The following BRI3BP variants were observed in gnomAD, a reference collection of about 807,000 sequenced individuals.
The protein encoded by BRI3BP is BRI3 binding protein.
A neutral mutation model predicts 15.8 loss-of-function variants in BRI3BP; 7 were observed. That is an observed-to-expected ratio of 0.44 (90% CI 0.25 to 0.83). The LOEUF (loss-of-function observed/expected upper bound fraction) is 0.83, where lower values mean the gene tolerates loss of function less well. BRI3BP is among the 40% of genes least tolerant of loss of function. BRI3BP has a pLI of 0.20. For synonymous variants in BRI3BP, 192 were observed against 163.5 expected, an observed-to-expected ratio of 1.17 and a Z score of -1.33; for missense variants, 320 against 339.3, an observed-to-expected ratio of 0.94 and a Z score of 0.45.
At chr12:125,034,645 A>G (rs949053155), downstream of BRI3BP, among the ~76,000 whole-genome samples, 1 of 151,722 alleles carries the variant, frequency 6.6e-6, no homozygotes, top group Non-Finnish European at 1.5e-5. Flanking sequence ...GCTGGAGTGC[A>G]GTGGCGCAAT....
In BRI3BP at chr12:125,016,155, G is replaced by A. The variant is rs546226251; in HGVS notation, c.316+3519G>A. Among the ~76,000 whole-genome samples, 11 of 152,298 alleles carry A rather than the reference G, an allele frequency of 7.2e-5. No homozygotes were observed. The East Asian group carries it at 1.2e-3, about 16-fold the overall frequency. On this transcript the variant is annotated intron_variant, in intron 2 of 2. Transcript: ENST00000341446. ...GGAGCAGCTGGCGCGTTCTGGAGGCGAAACGAGCTTGCTTCCGTGTCGAAG... is the reference window on the plus strand; with the variant it reads ...GGAGCAGCTGGCGCGTTCTGGAGGCAAAACGAGCTTGCTTCCGTGTCGAAG...
chr12:125,016,083 G>A (rs1180057436), intron 2 of BRI3BP, among the ~76,000 whole-genome samples: 2 of 152,178 alleles, frequency 1.3e-5, no homozygotes, highest in African/African-American at 4.8e-5. Flanking sequence ...CCAGAATAGA[G>A]GCATCGGCAG....
chr12:125,004,665 T>C (rs1443009873), intron 1 of BRI3BP, among the ~76,000 whole-genome samples: 1 of 152,174 alleles, frequency 6.6e-6, no homozygotes, highest in East Asian at 1.9e-4. Context: ...ACATCAATTA[T>C]TCGCTGAAGT....
At chr12:125,002,461 GTTTTTTTTTT>G (rs773663060) in intron 1 of BRI3BP, among the ~76,000 whole-genome samples, 1 of 124,118 alleles carries the variant, frequency 8.1e-6, no homozygotes, top group Non-Finnish European at 1.8e-5. Flanking sequence ...TTTTTGTTTT[GTTTTTTTTTT>G]TTTTGAGACA....
At chr12:125,022,541 A>ATTTATTTATTTATT in intron 2 of BRI3BP, among the ~76,000 whole-genome samples, 2 of 139,404 alleles carry the variant, frequency 1.4e-5, no homozygotes, top group Admixed American at 7.3e-5. Context: ...TTATTTATTT[A>ATTTATTTATTTATT]TTTTTTGAGA....
rs1437186292 is a variant in BRI3BP, at chr12:125,029,574, A to G, written c.*4144A>G. 2 of 145,516 alleles carry G rather than the reference A, an allele frequency of 1.4e-5. No homozygotes were observed. Among genetic ancestry groups the G allele is most frequent in the Non-Finnish European group, 3.0e-5 (2 of 67,408 alleles). The allele number at this position is 145,516 out of a possible 1,614,324, so 9.0% of individuals were successfully genotyped here. A position where few individuals can be genotyped will look rare whatever the true frequency, so the allele number is the denominator to read the frequency against. On this transcript the variant is annotated 3_prime_UTR_variant, in exon 3 of 3. Transcript: ENST00000341446. ...TGTGTGTGTGTATATATATGTATAT[A>G]TATATACACACACACACACTTTCCA...
intron 1 of BRI3BP, among the ~76,000 whole-genome samples, chr12:124,999,642 G>C: frequency 6.7e-6 from 1 of 149,574 alleles, no homozygotes; most frequent in Non-Finnish European, 1.5e-5. Flanking sequence ...TCTTGAGACG[G>C]AGTCTCCCTC....
Position 125,027,688 on chromosome 12 carries a change from G to T in BRI3BP, c.*2258G>T, listed in dbSNP as rs1955367911. Reference sequence around the variant, plus strand: ...CCGTCTCAAAAAAAATTATTTGCTGGATCGAATCTTTTTTTTTTTGAGATG... The same window carrying T: ...CCGTCTCAAAAAAAATTATTTGCTGTATCGAATCTTTTTTTTTTTGAGATG... On this transcript the variant is annotated 3_prime_UTR_variant, in exon 3 of 3. Transcript: ENST00000341446. The T allele has an allele frequency of 6.6e-6, 1 of 152,046 alleles. No homozygotes were observed. Among genetic ancestry groups the T allele is most frequent in the Admixed American group, 6.6e-5 (1 of 15,254 alleles). The allele number at this position is 152,046 out of a possible 1,614,324, so 9.4% of individuals were successfully genotyped here. A position where few individuals can be genotyped will look rare whatever the true frequency, so the allele number is the denominator to read the frequency against.
At chr12:124,997,446 C>T (rs1193755368) in intron 1 of BRI3BP, among the ~76,000 whole-genome samples, 4 of 151,234 alleles carry the variant, frequency 2.6e-5, no homozygotes, top group Admixed American at 2.6e-4. Flanking sequence ...GATCTCATGA[C>T]TTCAGGTGAT....
chr12:125,000,733 T>C (rs1333943817), intron 1 of BRI3BP, among the ~76,000 whole-genome samples: 1 of 152,210 alleles, frequency 6.6e-6, no homozygotes, highest in Non-Finnish European at 1.5e-5. Flanking sequence ...CCCCTCAAAC[T>C]TTTTTCTCTG....
chr12:125,002,940 G>A (rs908096391), intron 1 of BRI3BP, among the ~76,000 whole-genome samples: 3 of 152,206 alleles, frequency 2.0e-5, no homozygotes, highest in Non-Finnish European at 2.9e-5. Flanking sequence ...GTTGGTTGAC[G>A]CTGAATTTGA....
chr12:125,018,790 G>T (rs1955269019), intron 2 of BRI3BP, among the ~76,000 whole-genome samples: 1 of 150,486 alleles, frequency 6.6e-6, no homozygotes, highest in African/African-American at 2.5e-5. Context: ...AGCGATTCTA[G>T]TACCTCAGCC....
chr12:125,012,260 G>A (rs966667509), intron 1 of BRI3BP, among the ~76,000 whole-genome samples: 1 of 152,124 alleles, frequency 6.6e-6, no homozygotes, highest in Non-Finnish European at 1.5e-5. Context: ...AATGGCAAGC[G>A]GCGTAACGCG....
intron 2 of BRI3BP, among the ~76,000 whole-genome samples, chr12:125,022,556 G>A (rs946687597): frequency 1.7e-5 from 1 of 59,240 alleles, no homozygotes; most frequent in Non-Finnish European, 3.2e-5. Context: ...TTGAGACAGA[G>A]CCTCACTGTG....
Position 125,016,825 on chromosome 12 carries a change from C to CGT in BRI3BP, c.316+4189_316+4190insGT, listed in dbSNP as rs1470443683. 9.4e-3 allele frequency among the ~76,000 whole-genome samples: 376 copies of CGT among 39,814 alleles called. 10 individuals are homozygous for CGT. The highest frequency in any genetic ancestry group is 0.035 in the African/African-American group (354 of 10,236). The allele number at this position is 39,814 out of a possible 152,430, so 26.1% of individuals were successfully genotyped here. A position where few individuals can be genotyped will look rare whatever the true frequency, so the allele number is the denominator to read the frequency against. On this transcript the variant is annotated intron_variant, in intron 2 of 2. Coordinates refer to ENST00000341446, the MANE Select transcript of BRI3BP (RefSeq NM_080626.6). The stretch of plus-strand genomic sequence containing the variant: ...ACGGGCATGAGCCACTGCGCCCAGC[C>CGT]TTTTTTTTTTTTTTTTTTTTTTTTT...
At chr12:125,003,746 A>G (rs987474311) in intron 1 of BRI3BP, among the ~76,000 whole-genome samples, 1 of 152,148 alleles carries the variant, frequency 6.6e-6, no homozygotes, top group Admixed American at 6.6e-5. Context: ...AGAGGTCAGG[A>G]GTTTGAGACT....
At position 125,029,533 on chromosome 12, in the gene BRI3BP, A is replaced by T. The variant is rs1163551881; in HGVS notation, c.*4103A>T. The T allele has an allele frequency of 1.5e-5, 2 of 131,138 alleles. No individual in the cohort carries two copies. Among genetic ancestry groups the T allele is most frequent in the East Asian group, 4.2e-4 (2 of 4,784 alleles). 8.1% of individuals were successfully genotyped at this position (131,138 alleles called of 1,614,324 possible). A position where few individuals can be genotyped will look rare whatever the true frequency, so the allele number is the denominator to read the frequency against. On this transcript the variant is annotated 3_prime_UTR_variant, in exon 3 of 3. Transcript: ENST00000341446. ...GGCGACAGAGTGAGACCCAGTCTCA[A>T]AAAAAAAAAAAAGTGTGTGTGTGTG... is the stretch of plus-strand genomic sequence containing the variant.
the BRI3BP span, among the ~76,000 whole-genome samples, chr12:125,037,734 C>T: frequency 6.6e-6 from 1 of 151,822 alleles, no homozygotes; most frequent in Middle Eastern, 3.4e-3. Flanking sequence ...ATCGCTTGAA[C>T]CCAGGAGGCA....
rs1166333026 is a variant in BRI3BP at position 125,030,620 on chromosome 12, G to A, written c.*5190G>A. ...TTGTCTACTGAAAAGCTGTGGCAGC[G>A]AGTGGTATTATTGACCATGTGTTCT... On this transcript the variant is annotated 3_prime_UTR_variant, in exon 3 of 3. Coordinates refer to ENST00000341446, the MANE Select transcript of BRI3BP (RefSeq NM_080626.6). 2.0e-5 allele frequency: 3 copies of A among 152,186 alleles called. No individual in the cohort carries two copies. Among genetic ancestry groups the A allele is most frequent in the South Asian group, 2.1e-4 (1 of 4,834 alleles). The allele number at this position is 152,186 out of a possible 1,614,324, so 9.4% of individuals were successfully genotyped here.
Sources: gnomAD v4.1 joint callset for allele counts (sites outside exome capture counted in the v4.1 genomes callset) on GRCh38, gnomAD v4.1.1 for gene constraint, MANE v1.5 for transcripts, NCBI Gene and HGNC (gene_info 2026-07-23, HGNC 2026-07-21) for gene names.